The following NAT1 variants were observed in gnomAD, a reference collection of about 807,000 sequenced individuals.
NAT1 encodes the protein N-acetyltransferase 1.
For synonymous variants in NAT1, 144 were observed against 122.6 expected, an observed-to-expected ratio of 1.17 and a Z score of -1.16; for missense variants, 400 against 339.2, an observed-to-expected ratio of 1.18 and a Z score of -1.41.
At chr8:18,211,754 A>C (rs1804128469) in intron 1 of NAT1, among the ~76,000 whole-genome samples, 1 of 152,192 alleles carries the variant, frequency 6.6e-6, no homozygotes, top group African/African-American at 2.4e-5. Flanking sequence ...GTGTCAATTT[A>C]GTGGGATTCC....
rs11987627 is a variant in NAT1, at chr8:18,217,065, G to T, written c.-85-2346G>T. 2.0e-3 allele frequency: 2,060 copies of T among 1,010,172 alleles called. 29 individuals are homozygous for T. In the African/African-American group the frequency reaches 0.029, roughly 14 times the overall value. 62.6% of individuals were successfully genotyped at this position (1,010,172 alleles called of 1,614,324 possible). A position where few individuals can be genotyped will look rare whatever the true frequency, so the allele number is the denominator to read the frequency against. ...GAGAAAGGCAACTTGTAGATTGGGT[G>T]CTGTGAGTCTGGGGAATTAGTGAGA... On this transcript the variant is annotated intron_variant, in intron 1 of 2. Coordinates refer to ENST00000307719, the MANE Select transcript of NAT1 (RefSeq NM_000662.8).
chr8:18,186,052 C>T (rs1050259543), intron 2 of NAT1, among the ~76,000 whole-genome samples: 3 of 152,028 alleles, frequency 2.0e-5, no homozygotes, highest in Non-Finnish European at 4.4e-5. Flanking sequence ...TTAACACTTG[C>T]GTTACACGTT....
Position 18,222,985 on chromosome 8 carries a change from T to A in NAT1, c.*65T>A, listed in dbSNP as rs185560923. On this transcript the variant is annotated 3_prime_UTR_variant, in exon 3 of 3. Coordinates refer to ENST00000307719, the MANE Select transcript of NAT1 (RefSeq NM_000662.8). ...TCACCAGTTATCAACTGACGACCTA[T>A]CATGTATCTTCTGTACCCTTACCTT... 132 of 1,368,808 alleles carry A rather than the reference T, an allele frequency of 9.6e-5. 1 individual carries two copies. In the East Asian group the frequency reaches 3.1e-3, roughly 32 times the overall value. 84.8% of individuals were successfully genotyped at this position (1,368,808 alleles called of 1,614,324 possible).
At chr8:18,180,396 A>G (rs191556117) in intron 2 of NAT1, among the ~76,000 whole-genome samples, 14 of 152,244 alleles carry the variant, frequency 9.2e-5, no homozygotes, top group Admixed American at 6.5e-4. Context: ...TATGAAGCCT[A>G]TAGTGGATTT....
At chr8:18,181,657 G>A (rs371445961) in intron 2 of NAT1, among the ~76,000 whole-genome samples, 13 of 152,274 alleles carry the variant, frequency 8.5e-5, no homozygotes, top group African/African-American at 2.9e-4. Flanking sequence ...TCTTGTTCCA[G>A]ATCTTAGGGC....
intron 2 of NAT1, among the ~76,000 whole-genome samples, chr8:18,194,910 G>T (rs1054153714): frequency 6.6e-6 from 1 of 152,146 alleles, no homozygotes; most frequent in Non-Finnish European, 1.5e-5. Context: ...CAGCTAAGGA[G>T]CTGCATGGGA....
intron 2 of NAT1, among the ~76,000 whole-genome samples, chr8:18,220,325 A>T (rs1407734978): frequency 6.6e-6 from 1 of 152,164 alleles, no homozygotes; most frequent in Non-Finnish European, 1.5e-5. Flanking sequence ...AAGGAAAAAT[A>T]GGAGAATATA....
At chr8:18,221,793 C>G (rs1805327552) in intron 2 of NAT1, 1 of 372,750 alleles carries the variant, frequency 2.7e-6, no homozygotes, top group Non-Finnish European at 4.8e-6. Flanking sequence ...TATCATTTGA[C>G]TCATCATTTA....
upstream of NAT1, among the ~76,000 whole-genome samples, chr8:18,208,295 G>A (rs563654525): frequency 3.0e-4 from 45 of 149,678 alleles, no homozygotes; most frequent in African/African-American, 1.0e-3. Flanking sequence ...AACAGAAACA[G>A]AAACAAAAAA....
chr8:18,216,265 T>G (rs551191792), intron 1 of NAT1, among the ~76,000 whole-genome samples: 3 of 152,150 alleles, frequency 2.0e-5, no homozygotes, highest in Non-Finnish European at 4.4e-5. Flanking sequence ...TAGAGTAGCT[T>G]CTAACAGCGC....
intron 2 of NAT1, among the ~76,000 whole-genome samples, chr8:18,177,056 T>G (rs1563160610): frequency 6.6e-6 from 1 of 152,140 alleles, no homozygotes; most frequent in African/African-American, 2.4e-5. Context: ...TTTTTGCATG[T>G]TGATTTTATA....
intron 2 of NAT1, among the ~76,000 whole-genome samples, chr8:18,198,289 G>C (rs1803316955): frequency 6.6e-6 from 1 of 152,196 alleles, no homozygotes; most frequent in South Asian, 2.1e-4. Context: ...AAAACATTAT[G>C]AGAGAGGATG....
chr8:18,205,938 T>C (rs1268292178), upstream of NAT1, among the ~76,000 whole-genome samples: 1 of 152,126 alleles, frequency 6.6e-6, no homozygotes, highest in East Asian at 1.9e-4. Context: ...CCTGCAGAGT[T>C]CAGGACTGAC....
intron 1 of NAT1, among the ~76,000 whole-genome samples, chr8:18,213,005 A>G (rs1804255473): frequency 6.6e-6 from 1 of 151,184 alleles, no homozygotes; most frequent in Non-Finnish European, 1.5e-5. Flanking sequence ...CCCGGGTTCA[A>G]GTGATTCTCC....
intron 2 of NAT1, among the ~76,000 whole-genome samples, chr8:18,180,879 C>A (rs1802483101): frequency 1.3e-5 from 2 of 152,082 alleles, no homozygotes; most frequent in Non-Finnish European, 2.9e-5. Context: ...TGTTCTTATG[C>A]CAATACCATG....
chr8:18,206,134 G>C (rs1803708634), upstream of NAT1, among the ~76,000 whole-genome samples: 1 of 152,128 alleles, frequency 6.6e-6, no homozygotes, highest in African/African-American at 2.4e-5. Context: ...GTGGCTGAAG[G>C]GTCTCCTTCT....
chr8:18,177,931 A>G (rs1454533724), intron 2 of NAT1, among the ~76,000 whole-genome samples: 1 of 152,136 alleles, frequency 6.6e-6, no homozygotes, highest in African/African-American at 2.4e-5. Context: ...TTTGATTTTC[A>G]CAGTATTGAA....
chr8:18,207,629 G>C (rs1474323569), upstream of NAT1, among the ~76,000 whole-genome samples: 1 of 152,156 alleles, frequency 6.6e-6, no homozygotes, highest in Admixed American at 6.5e-5. Context: ...ATGCCAGTGA[G>C]GCTGCAGAGA....
chr8:18,207,251 T>C (rs573987222), upstream of NAT1, among the ~76,000 whole-genome samples: 116 of 152,354 alleles, frequency 7.6e-4, no homozygotes, highest in Non-Finnish European at 1.4e-3. Flanking sequence ...TTTGTATCAG[T>C]ACCACGCTGT....
Sources: gnomAD v4.1 joint callset for allele counts (sites outside exome capture counted in the v4.1 genomes callset) on GRCh38, gnomAD v4.1.1 for gene constraint, MANE v1.5 for transcripts, NCBI Gene and HGNC (gene_info 2026-07-23, HGNC 2026-07-21) for gene names.